OGG1: variants seen among roughly 807,000 people sequenced by gnomAD.
OGG1 encodes 8-oxoguanine DNA glycosylase.
In OGG1, 35 loss-of-function variants were observed where a neutral mutation model predicts 42.3. The ratio of observed to expected loss-of-function variants is 0.83; its 90% CI spans 0.63 to 1.10. The LOEUF is 1.10. Among genes scored for constraint, OGG1 ranks in the 50% least tolerant of loss-of-function variants. The pLI is 0.00. For missense variants in OGG1, 484 were observed against 446.7 expected (o/e 1.08, Z -0.75); for synonymous variants, 189 against 179.0 (o/e 1.06, Z -0.44).
exon 8 of OGG1, chr3:9,766,192 T>G (rs1482240560): frequency 1.2e-6 from 1 of 800,792 alleles, no homozygotes; most frequent in East Asian, 2.7e-5. Flanking sequence ...GGCGATCATC[T>G]TTGCCACCAC....
chr3:9,777,493 G>A (rs1305842536), intron 2 of OGG1, among the ~76,000 whole-genome samples: 1 of 152,106 alleles, frequency 6.6e-6, no homozygotes, highest in African/African-American at 2.4e-5. Context: ...TTGAGTCTCT[G>A]TGTCATCTGC....
intron 2 of OGG1, among the ~76,000 whole-genome samples, chr3:9,776,735 C>G (rs958471435): frequency 1.3e-5 from 2 of 152,112 alleles, no homozygotes; most frequent in African/African-American, 4.8e-5. Context: ...GATTGTCTGT[C>G]TAGTGTGTCC....
At chr3:9,764,628 G>GTTTTTTTTTTTTTTTTTTTTTTTTTTT in intron 7 of OGG1, among the ~76,000 whole-genome samples, 1 of 92,326 alleles carries the variant, frequency 1.1e-5, no homozygotes, top group Non-Finnish European at 2.1e-5. Context: ...TTTTTTTTTT[G>GTTTTTTTTTTTTTTTTTTTTTTTTTTT]TTTTTTTTTT....
In OGG1 at chr3:9,750,098, T is replaced by A. The variant is rs2077224142; in HGVS notation, c.-189T>A. The A allele has an allele frequency of 4.1e-6, 3 of 731,454 alleles. No homozygotes were observed. Among genetic ancestry groups the A allele is most frequent in the Non-Finnish European group, 6.6e-6 (3 of 457,050 alleles). The allele number at this position is 731,454 out of a possible 1,614,324, so 45.3% of individuals were successfully genotyped here. A position where few individuals can be genotyped will look rare whatever the true frequency, so the allele number is the denominator to read the frequency against. On this transcript the variant is annotated 5_prime_UTR_variant, in exon 1 of 7. Transcript: ENST00000344629. ...GGAGAATTGGGGCACGAAGCGGGGCTTTGATGACCCGCAAAGGGCGAGGCA... is the reference window on the plus strand; with the variant it reads ...GGAGAATTGGGGCACGAAGCGGGGCATTGATGACCCGCAAAGGGCGAGGCA...
At chr3:9,779,480 C>G (rs965189256) in intron 2 of OGG1, among the ~76,000 whole-genome samples, 18 of 151,118 alleles carry the variant, frequency 1.2e-4, no homozygotes, top group African/African-American at 4.4e-4. Flanking sequence ...CTGTGGAGGG[C>G]AGTGTGGTGA....
At chr3:9,758,996 G>A, downstream of OGG1, 1 of 613,156 alleles carries the variant, frequency 1.6e-6, no homozygotes, top group South Asian at 1.8e-5. Context: ...GTGCCCTCAG[G>A]ATCAAGTTGG....
At chr3:9,783,998 C>T (rs1453697128) in intron 3 of OGG1, 1 of 1,601,178 alleles carries the variant, frequency 6.2e-7, no homozygotes, top group Non-Finnish European at 8.5e-7. Flanking sequence ...CAAGGCCACC[C>T]CCGGGACTGT....
At chr3:9,789,890 G>A, downstream of OGG1, 1 of 1,614,220 alleles carries the variant, frequency 6.2e-7, no homozygotes. Flanking sequence ...TTTGGGGGGA[G>A]CTCCAAGTTC....
At chr3:9,767,746 G>C, downstream of OGG1, 1 of 1,613,924 alleles carries the variant, frequency 6.2e-7, no homozygotes, top group Non-Finnish European at 8.5e-7. Flanking sequence ...ACTGCCCCCA[G>C]CATGGCCCAC....
chr3:9,778,349 C>T (rs890720946), intron 2 of OGG1, among the ~76,000 whole-genome samples: 1 of 152,236 alleles, frequency 6.6e-6, no homozygotes, highest in Non-Finnish European at 1.5e-5. Flanking sequence ...GGGCCTCATG[C>T]TGTCCTCTCT....
chr3:9,785,477 G>T, intron 3 of OGG1: 1 of 1,253,586 alleles, frequency 8.0e-7, no homozygotes, highest in Non-Finnish European at 1.2e-6. Context: ...CCACTTTCCT[G>T]CTCCTTTCTG....
At chr3:9,760,344 G>A (rs975981546), downstream of OGG1, 2 of 287,008 alleles carry the variant, frequency 7.0e-6, no homozygotes, top group African/African-American at 4.4e-5. Context: ...TCTTAATAGG[G>A]GGCACAAAAG....
rs1280167519 is a variant in OGG1, at chr3:9,757,147, C to A, written c.1035C>A (p.Gly345=). Residue 345 remains glycine (G), a synonymous_variant, in exon 7 of 7, where the codon GGC becomes GGA. Coordinates refer to ENST00000344629, the MANE Select transcript of OGG1 (RefSeq NM_002542.6). The surrounding 1 kb of genome is among the most constrained non-coding windows in gnomAD (Gnocchi z 4.5). ...GAAAGGGTTCCAAAGGGCCGGAAGG[C>A]TAGATGGGGCACCCTGGACAAAGAA... ...KRRKGSKGPE[G] 7 of 1,613,968 alleles carry A rather than the reference C, an allele frequency of 4.3e-6. No individual in the cohort carries two copies. The highest frequency in any genetic ancestry group is 5.9e-6 in the Non-Finnish European group (7 of 1,179,976).
chr3:9,783,785 A>C, intron 3 of OGG1: 1 of 672,198 alleles, frequency 1.5e-6, no homozygotes, highest in Non-Finnish European at 2.2e-6. Context: ...CTCAAAAAAA[A>C]ACAAAACAAA....
downstream of OGG1, chr3:9,767,759 C>A: frequency 6.2e-7 from 1 of 1,613,580 alleles, no homozygotes; most frequent in Non-Finnish European, 8.5e-7. Flanking sequence ...TGGCCCACTG[C>A]CCCCCGACCA....
chr3:9,768,053 C>T, downstream of OGG1, among the ~76,000 whole-genome samples: 1 of 152,150 alleles, frequency 6.6e-6, no homozygotes, highest in East Asian at 1.9e-4. Context: ...CAGTTTTCCC[C>T]CTATCCAAAT....
downstream of OGG1, chr3:9,757,758 T>C: frequency 6.2e-7 from 1 of 1,614,160 alleles, no homozygotes; most frequent in African/African-American, 1.3e-5. The surrounding 1 kb of genome is among the most constrained non-coding windows in gnomAD (Gnocchi z 4.5). Flanking sequence ...CAGCTCCCCA[T>C]GGCTCGCCGT....
chr3:9,781,593 G>A (rs2078466720), exon 3 of OGG1: 1 of 456,242 alleles, frequency 2.2e-6, no homozygotes, highest in African/African-American at 2.0e-5. Context: ...GCCTGAGGCT[G>A]ACAGGAGGTG....
chr3:9,751,332 G>A, intron 2 of OGG1, 140 bp downstream of exon 2: 3 of 851,414 alleles, frequency 3.5e-6, no homozygotes, highest in African/African-American at 1.7e-5. Context: ...TACATGTAAA[G>A]TGCTTAGAAT....
Sources: allele counts gnomAD v4.1 joint callset (sites outside exome capture counted in the v4.1 genomes callset), GRCh38; gene constraint gnomAD v4.1.1; non-coding constraint Gnocchi (gnomAD v3.1); transcripts MANE v1.5; gene names NCBI Gene and HGNC (gene_info 2026-07-23, HGNC 2026-07-21).